NRG1: variants seen among roughly 807,000 people sequenced by gnomAD.
NRG1 encodes the protein neuregulin 1, also known as pro-neuregulin-1, membrane-bound isoform.
Under a neutral mutation model 63.8 loss-of-function variants are expected in NRG1, and 18 were observed. That is an observed-to-expected ratio of 0.28 (90% CI 0.19 to 0.42). NRG1 has a LOEUF of 0.42. Ranked by LOEUF, NRG1 falls within the 10% of genes least tolerant of loss-of-function variation. The pLI is 1.00. For missense variants in NRG1, 762 were observed against 814.7 expected (o/e 0.94, Z 0.79); for synonymous variants, 302 against 301.3 (o/e 1.00, Z -0.02).
chr8:31,697,979 T>C (rs992988680), intron 1 of NRG1, among the ~76,000 whole-genome samples: 3 of 151,914 alleles, frequency 2.0e-5, no homozygotes, highest in African/African-American at 7.3e-5. Context: ...AATCGCATTT[T>C]TCTCCAGTCT....
At chr8:32,396,729 T>C (rs1812480783) in intron 1 of NRG1, among the ~76,000 whole-genome samples, 1 of 152,232 alleles carries the variant, frequency 6.6e-6, no homozygotes, top group Non-Finnish European at 1.5e-5. Context: ...ATTACAGGCA[T>C]GAGCCACTGT....
chr8:31,689,307 C>CT (rs1809242551), intron 1 of NRG1, among the ~76,000 whole-genome samples: 1 of 152,208 alleles, frequency 6.6e-6, no homozygotes, highest in Non-Finnish European at 1.5e-5. Flanking sequence ...GAAACTACAG[C>CT]TTTCTCACAA....
intron 1 of NRG1, among the ~76,000 whole-genome samples, chr8:31,771,189 T>A (rs765073681): frequency 6.6e-6 from 1 of 152,144 alleles, no homozygotes. Flanking sequence ...CAGCCACTAA[T>A]CTCCATCATT....
intron 1 of NRG1, among the ~76,000 whole-genome samples, chr8:32,384,714 C>A (rs1810766281): frequency 6.6e-6 from 1 of 152,178 alleles, no homozygotes; most frequent in Non-Finnish European, 1.5e-5. Context: ...CCAACACCAC[C>A]ATCTTATTTC....
At chr8:31,835,888 GTAGCAACTAGT>G (rs1219726439) in intron 1 of NRG1, among the ~76,000 whole-genome samples, 10 of 152,146 alleles carry the variant, frequency 6.6e-5, no homozygotes, top group African/African-American at 2.2e-4. Context: ...GTTCACTAAG[GTAGCAACTAGT>G]TACCTGTGTT....
At chr8:32,753,219 T>C (rs922692857) in intron 7 of NRG1, among the ~76,000 whole-genome samples, 4 of 152,202 alleles carry the variant, frequency 2.6e-5, no homozygotes, top group Admixed American at 2.6e-4. Context: ...GTTCTCTTTC[T>C]GAGTGAACTT....
intron 1 of NRG1, among the ~76,000 whole-genome samples, chr8:31,982,661 G>C (rs902448144): frequency 9.9e-5 from 15 of 152,090 alleles, no homozygotes; most frequent in Admixed American, 9.2e-4. Context: ...ATGGCAAAAG[G>C]AACAACTGAA....
intron 1 of NRG1, among the ~76,000 whole-genome samples, chr8:32,049,860 C>G (rs1821687061): frequency 6.6e-6 from 1 of 152,132 alleles, no homozygotes; most frequent in South Asian, 2.1e-4. Flanking sequence ...TGCAACACTC[C>G]TGATGAGCTC....
intron 2 of NRG1, among the ~76,000 whole-genome samples, chr8:32,602,315 G>A (rs950966154): frequency 2.0e-5 from 3 of 152,046 alleles, no homozygotes; most frequent in Admixed American, 1.3e-4. Flanking sequence ...TAGTATTCCA[G>A]GAAACAGTGC....
intron 1 of NRG1, among the ~76,000 whole-genome samples, chr8:31,646,529 T>A (rs1421208090): frequency 6.6e-6 from 1 of 152,128 alleles, no homozygotes; most frequent in East Asian, 1.9e-4. Context: ...AATACTATCA[T>A]CCCAAATGGT....
chr8:32,669,527 C>T (rs761642706), intron 5 of NRG1, among the ~76,000 whole-genome samples: 13 of 152,092 alleles, frequency 8.5e-5, no homozygotes, highest in Non-Finnish European at 1.8e-4. Context: ...AATGGCTAAC[C>T]GTGTCTAGAA....
At chr8:31,641,406 A>G (rs1329388254) in intron 1 of NRG1, among the ~76,000 whole-genome samples, 2 of 151,916 alleles carry the variant, frequency 1.3e-5, no homozygotes, top group African/African-American at 4.8e-5. Context: ...ATGTTTTTGC[A>G]CTTCACTGCA....
At chr8:32,435,948 G>C (rs1458438458) in intron 1 of NRG1, among the ~76,000 whole-genome samples, 1 of 152,028 alleles carries the variant, frequency 6.6e-6, no homozygotes, top group Admixed American at 6.6e-5. Flanking sequence ...TCCTTTCATA[G>C]GGTATATTCA....
chr8:32,495,660 G>A (rs977242152), intron 1 of NRG1, among the ~76,000 whole-genome samples: 1 of 152,004 alleles, frequency 6.6e-6, no homozygotes, highest in Non-Finnish European at 1.5e-5. Context: ...ATGGGGTTTC[G>A]CCACGTTGGC....
intron 1 of NRG1, among the ~76,000 whole-genome samples, chr8:32,496,798 T>C (rs1486406087): frequency 6.6e-6 from 1 of 152,176 alleles, no homozygotes; most frequent in African/African-American, 2.4e-5. Context: ...TGAAAAATAA[T>C]TGACAAGCCT....
At chr8:31,956,062 C>CA (rs1413891352) in intron 1 of NRG1, among the ~76,000 whole-genome samples, 1 of 140,678 alleles carries the variant, frequency 7.1e-6, no homozygotes, top group Non-Finnish European at 1.5e-5. Context: ...AACAAAAAAA[C>CA]AAAAAAACAA....
At chr8:32,224,997 C>G (rs778818016) in intron 1 of NRG1, among the ~76,000 whole-genome samples, 1 of 152,114 alleles carries the variant, frequency 6.6e-6, no homozygotes, top group Non-Finnish European at 1.5e-5. Flanking sequence ...TTTTAAAACT[C>G]GAAATGTCAT....
At position 31,801,140 on chromosome 8, in the gene NRG1, C is replaced by A. The variant is rs144268814; in HGVS notation, c.37+161709C>A. On this transcript the variant is annotated intron_variant, in intron 1 of 10. Transcript: ENST00000519301. The stretch of plus-strand genomic sequence containing the variant: ...GGGGTTACAAGTGTGAGCCACCGTT[C>A]CCGGCCTCTCCAGTGTCCTATCTCA... Among the ~76,000 whole-genome samples, 901 of 152,120 alleles carry A rather than the reference C, an allele frequency of 5.9e-3. 13 individuals are homozygous for A. Among genetic ancestry groups the A allele is most frequent in the African/African-American group, 0.02 (813 of 41,464 alleles).
chr8:31,664,283 C>A (rs1806303524), intron 1 of NRG1, among the ~76,000 whole-genome samples: 1 of 152,116 alleles, frequency 6.6e-6, no homozygotes, highest in African/African-American at 2.4e-5. Context: ...TTTCCCATCC[C>A]AAATTTGTTG....
Sources: gnomAD v4.1 joint callset for allele counts (sites outside exome capture counted in the v4.1 genomes callset) on GRCh38, gnomAD v4.1.1 for gene constraint, MANE v1.5 for transcripts, NCBI Gene and HGNC (gene_info 2026-07-23, HGNC 2026-07-21) for gene names.